Variants in CTNNA3 observed in about 807,000 individuals in gnomAD.
The protein encoded by CTNNA3 is catenin alpha 3.
Under a neutral mutation model 95.7 loss-of-function variants are expected in CTNNA3, and 76 were observed. The ratio of observed to expected loss-of-function variants is 0.79; its 90% CI spans 0.66 to 0.96. The LOEUF is 0.96. CTNNA3 is among the 40% of genes least tolerant of loss of function. CTNNA3 has a pLI of 0.00. For synonymous variants in CTNNA3, 431 were observed against 374.4 expected (o/e 1.15, Z -1.74); for missense variants, 1,191 against 1,089.8 (o/e 1.09, Z -1.31).
At chr10:66,210,535 A>G (rs541659767) in intron 13 of CTNNA3, among the ~76,000 whole-genome samples, 1 of 152,256 alleles carries the variant, frequency 6.6e-6, no homozygotes, top group East Asian at 1.9e-4. Context: ...TCATAATTCC[A>G]GGGTAAATCT....
At chr10:67,120,245 T>C (rs1346108326) in intron 7 of CTNNA3, among the ~76,000 whole-genome samples, 4 of 152,010 alleles carry the variant, frequency 2.6e-5, no homozygotes, top group Non-Finnish European at 5.9e-5. Flanking sequence ...GTGTATTATA[T>C]TTCTACCCTG....
chr10:66,564,682 C>G (rs1027029713), intron 10 of CTNNA3, among the ~76,000 whole-genome samples: 1 of 152,146 alleles, frequency 6.6e-6, no homozygotes, highest in Non-Finnish European at 1.5e-5. Context: ...GCTATCATAT[C>G]CTGACAAAGT....
At chr10:66,551,437 T>C (rs986545168) in intron 10 of CTNNA3, among the ~76,000 whole-genome samples, 2 of 152,108 alleles carry the variant, frequency 1.3e-5, no homozygotes, top group Non-Finnish European at 2.9e-5. Flanking sequence ...GATGTGTCTA[T>C]GGTTTTCTTT....
chr10:66,860,618 A>G (rs1396215238), intron 7 of CTNNA3, among the ~76,000 whole-genome samples: 7 of 152,172 alleles, frequency 4.6e-5, no homozygotes, highest in African/African-American at 1.7e-4. Flanking sequence ...CCTGTGTATA[A>G]GCGGCCCTCA....
At chr10:67,677,926 G>C (rs1019520550) in intron 1 of CTNNA3, among the ~76,000 whole-genome samples, 3 of 152,144 alleles carry the variant, frequency 2.0e-5, no homozygotes, top group African/African-American at 7.2e-5. Context: ...AATAGGAGTA[G>C]GAGAAGAGTT....
At chr10:65,993,004 T>C (rs2078576126) in intron 15 of CTNNA3, among the ~76,000 whole-genome samples, 1 of 152,298 alleles carries the variant, frequency 6.6e-6, no homozygotes, top group African/African-American at 2.4e-5. Flanking sequence ...GACTTGATGC[T>C]TGTCTAGGAG....
At chr10:66,183,730 G>T (rs1332300887) in intron 13 of CTNNA3, among the ~76,000 whole-genome samples, 1 of 152,078 alleles carries the variant, frequency 6.6e-6, no homozygotes, top group East Asian at 1.9e-4. Context: ...ACTTGACATT[G>T]TGACTTTTTT....
intron 3 of CTNNA3, among the ~76,000 whole-genome samples, chr10:67,562,115 G>C (rs142181451): frequency 6.6e-6 from 1 of 152,276 alleles, no homozygotes; most frequent in Non-Finnish European, 1.5e-5. Context: ...TAGAAAAAGA[G>C]GGAATCCTCC....
intron 10 of CTNNA3, among the ~76,000 whole-genome samples, chr10:66,566,275 A>G (rs917841143): frequency 6.6e-6 from 1 of 152,296 alleles, no homozygotes; most frequent in South Asian, 2.1e-4. Flanking sequence ...GCACATATTC[A>G]AATGCCCAGG....
At chr10:67,542,786 A>G (rs760860593) in intron 3 of CTNNA3, among the ~76,000 whole-genome samples, 2 of 152,158 alleles carry the variant, frequency 1.3e-5, no homozygotes, top group Non-Finnish European at 2.9e-5. Flanking sequence ...TAAGGTATTG[A>G]CAACGACAGC....
intron 14 of CTNNA3, among the ~76,000 whole-genome samples, chr10:66,097,597 T>C (rs1158636621): frequency 6.6e-6 from 1 of 152,130 alleles, no homozygotes; most frequent in African/African-American, 2.4e-5. Context: ...GACTCCAAAG[T>C]CCATTCTCTT....
At chr10:67,698,554 A>C (rs1841008112), upstream of CTNNA3, among the ~76,000 whole-genome samples, 1 of 152,200 alleles carries the variant, frequency 6.6e-6, no homozygotes, top group Admixed American at 6.5e-5. Flanking sequence ...CTTGTCAATA[A>C]AATCCCTTAT....
At chr10:67,380,189 T>A (rs1181797777) in intron 5 of CTNNA3, among the ~76,000 whole-genome samples, 1 of 152,150 alleles carries the variant, frequency 6.6e-6, no homozygotes, top group Non-Finnish European at 1.5e-5. Flanking sequence ...AGAAACTAAT[T>A]TTTGAAAGAT....
intron 7 of CTNNA3, among the ~76,000 whole-genome samples, chr10:66,913,318 T>C (rs1294575171): frequency 7.0e-6 from 1 of 143,650 alleles, no homozygotes; most frequent in Non-Finnish European, 1.5e-5. Flanking sequence ...ATGACACTAG[T>C]GCAAAATACA....
At chr10:65,930,219 A>C (rs2924309) in intron 17 of CTNNA3, among the ~76,000 whole-genome samples, 20,229 of 147,240 alleles carry the variant, frequency 0.14, 1,723 homozygotes, top group South Asian at 0.21. Flanking sequence ...AAAAAAAAAA[A>C]AAAAAAACAG....
chr10:66,410,708 G>T (rs1392931705), intron 11 of CTNNA3, among the ~76,000 whole-genome samples: 1 of 152,014 alleles, frequency 6.6e-6, no homozygotes. Flanking sequence ...TCTTTGTCAG[G>T]ACCCTATCAC....
At position 67,727,180 on chromosome 10, in the gene CTNNA3, T is replaced by A. The variant is rs185094880; in HGVS notation, c.-2+36254A>T. Among the ~76,000 whole-genome samples, 1,061 of 125,582 alleles carry A rather than the reference T, an allele frequency of 8.4e-3. 17 individuals are homozygous for A. The highest frequency in any genetic ancestry group is 0.03 in the African/African-American group (1,019 of 33,438). The allele number at this position is 125,582 out of a possible 152,430, so 82.4% of individuals were successfully genotyped here. On this transcript the variant is annotated intron_variant, in intron 1 of 17. Transcript: ENST00000684154. ...TTATATATAATATATGATACATATATTATATATATTATGTGTATATATACC... is the reference window on the plus strand; with the variant it reads ...TTATATATAATATATGATACATATAATATATATATTATGTGTATATATACC...
intron 13 of CTNNA3, among the ~76,000 whole-genome samples, chr10:66,269,515 T>A (rs951445142): frequency 3.9e-5 from 6 of 152,236 alleles, no homozygotes; most frequent in African/African-American, 1.4e-4. Flanking sequence ...TTTTTAAGGT[T>A]ACAAATAATT....
intron 1 of CTNNA3, chr10:67,750,193 T>G (rs2131747222): frequency 2.9e-5 from 38 of 1,307,342 alleles, no homozygotes; most frequent in East Asian, 4.7e-5. Flanking sequence ...TTGAAGTCAG[T>G]GAGACCAAGA....
Sources: gnomAD v4.1 joint callset for allele counts (sites outside exome capture counted in the v4.1 genomes callset) on GRCh38, gnomAD v4.1.1 for gene constraint, MANE v1.5 for transcripts, NCBI Gene and HGNC (gene_info 2026-07-23, HGNC 2026-07-21) for gene names.